Variants in FTO observed in about 807,000 individuals in gnomAD.
FTO encodes the protein FTO alpha-ketoglutarate dependent dioxygenase, also known as alpha-ketoglutarate-dependent dioxygenase FTO.
In FTO, 47 loss-of-function variants were observed where a neutral mutation model predicts 63.9. The observed-to-expected ratio is 0.74, with a 90% CI of 0.58 to 0.94. FTO has a LOEUF of 0.94. Ranked by LOEUF, FTO falls within the 40% of genes least tolerant of loss-of-function variation. The pLI, the probability that FTO is intolerant of heterozygous loss-of-function variation, is 0.00. For missense variants in FTO, 562 were observed against 618.1 expected (o/e 0.91, Z 0.96); for synonymous variants, 207 against 224.4 (o/e 0.92, Z 0.69).
At chr16:53,972,076 T>A (rs933569773) in intron 8 of FTO, among the ~76,000 whole-genome samples, 1 of 152,170 alleles carries the variant, frequency 6.6e-6, no homozygotes, top group Non-Finnish European at 1.5e-5. Flanking sequence ...GCCAGTCATA[T>A]GGAGACAGGG....
chr16:54,121,252 G>A lies in FTO; in HGVS notation c.*9337G>A, dbSNP rs1202078642. ...AAGGATTGTTGTATCACCTGTGATC[G>A]TGCCTATTAAGCAATTAACGTCATG... On this transcript the variant is annotated 3_prime_UTR_variant, in exon 9 of 9. Coordinates refer to ENST00000471389, the MANE Select transcript of FTO (RefSeq NM_001080432.3). 6.6e-6 allele frequency: 1 copy of A among 152,138 alleles called. No homozygotes were observed. Among genetic ancestry groups the A allele is most frequent in the Admixed American group, 6.5e-5 (1 of 15,278 alleles). 9.4% of individuals were successfully genotyped at this position (152,138 alleles called of 1,614,324 possible).
At chr16:54,015,053 G>T (rs1233285958) in intron 8 of FTO, among the ~76,000 whole-genome samples, 1 of 151,338 alleles carries the variant, frequency 6.6e-6, no homozygotes, top group African/African-American at 2.4e-5. Context: ...TAGAGACATG[G>T]TCTCACTCTA....
chr16:53,786,473 T>C (rs918043212), intron 1 of FTO, among the ~76,000 whole-genome samples: 5 of 152,236 alleles, frequency 3.3e-5, no homozygotes, highest in Non-Finnish European at 7.3e-5. Context: ...AAACTGGCTC[T>C]TGAATGAAAT....
intron 7 of FTO, among the ~76,000 whole-genome samples, chr16:53,890,189 C>T (rs1416548093): frequency 6.6e-6 from 1 of 152,180 alleles, no homozygotes; most frequent in Non-Finnish European, 1.5e-5. Flanking sequence ...TTGAAATGTA[C>T]TGGAAACAAT....
intron 1 of FTO, among the ~76,000 whole-genome samples, chr16:53,714,458 G>A (rs2075847007): frequency 6.6e-6 from 1 of 151,968 alleles, no homozygotes; most frequent in South Asian, 2.1e-4. Context: ...TTTCCAGTTT[G>A]CCATTTTTTG....
intron 8 of FTO, among the ~76,000 whole-genome samples, chr16:53,988,975 G>A (rs145069732): frequency 6.6e-6 from 1 of 152,144 alleles, no homozygotes; most frequent in East Asian, 1.9e-4. Flanking sequence ...GGAGACCTAG[G>A]TGCCATAAAA....
intron 1 of FTO, among the ~76,000 whole-genome samples, chr16:53,804,452 T>C (rs937263829): frequency 6.6e-6 from 1 of 152,210 alleles, no homozygotes; most frequent in Non-Finnish European, 1.5e-5. Context: ...AATTCTACTT[T>C]CGCCTCCAAA....
intron 8 of FTO, among the ~76,000 whole-genome samples, chr16:53,947,207 G>A (rs2082670189): frequency 6.6e-6 from 1 of 152,184 alleles, no homozygotes; most frequent in Non-Finnish European, 1.5e-5. Flanking sequence ...TGAGGAGAAA[G>A]GCTGTCCTGG....
intron 8 of FTO, among the ~76,000 whole-genome samples, chr16:53,975,010 TA>T (rs2143765404): frequency 6.6e-6 from 1 of 152,298 alleles, no homozygotes; most frequent in South Asian, 2.1e-4. Flanking sequence ...TTTGTGTATT[TA>T]ATACTAGAGA....
At chr16:53,994,690 A>G (rs1186371698) in intron 8 of FTO, among the ~76,000 whole-genome samples, 2 of 151,356 alleles carry the variant, frequency 1.3e-5, no homozygotes, top group African/African-American at 4.9e-5. Context: ...ACCATGTCAT[A>G]GTCTCCAAAA....
chr16:53,818,605 A>G (rs2078764838), intron 2 of FTO, among the ~76,000 whole-genome samples: 1 of 151,976 alleles, frequency 6.6e-6, no homozygotes, highest in African/African-American at 2.4e-5. Flanking sequence ...GCTCAAGTAC[A>G]TTACTCAGGG....
chr16:53,727,248 C>T (rs769717496), intron 1 of FTO, among the ~76,000 whole-genome samples: 1 of 152,210 alleles, frequency 6.6e-6, no homozygotes. Flanking sequence ...TCTGACTTGT[C>T]TGGCATATTC....
intron 2 of FTO, among the ~76,000 whole-genome samples, chr16:53,821,515 C>G (rs1348392329): frequency 1.3e-5 from 2 of 152,162 alleles, no homozygotes; most frequent in Non-Finnish European, 2.9e-5. Flanking sequence ...TTTCTGTTTT[C>G]CAATGGGGAT....
intron 1 of FTO, among the ~76,000 whole-genome samples, chr16:53,752,750 G>T (rs1245381822): frequency 2.6e-5 from 4 of 152,178 alleles, no homozygotes; most frequent in Non-Finnish European, 4.4e-5. Context: ...TGTGGCAGCA[G>T]TGTATCTGCA....
intron 8 of FTO, among the ~76,000 whole-genome samples, chr16:54,017,788 C>T (rs1316567878): frequency 2.0e-5 from 3 of 152,176 alleles, no homozygotes; most frequent in Non-Finnish European, 4.4e-5. Flanking sequence ...CTTTCTGCAT[C>T]TGCCTCAAGT....
chr16:54,083,058 C>A (rs1390239277), intron 8 of FTO, among the ~76,000 whole-genome samples: 1 of 152,166 alleles, frequency 6.6e-6, no homozygotes, highest in Non-Finnish European at 1.5e-5. Flanking sequence ...TATTAAATAA[C>A]TGGTGTTTCA....
Position 53,761,052 on chromosome 16 carries a change from C to T in FTO, c.46-49088C>T, listed in dbSNP as rs553258670. ...CCCTTTCCTTCTCCCTTCCTCCCTC[C>T]CTCCCTTCCTTTCTTCCTTCCTCGG... On this transcript the variant is annotated intron_variant, in intron 1 of 8. Transcript: ENST00000471389. 1.6e-4 allele frequency among the ~76,000 whole-genome samples: 24 copies of T among 150,416 alleles called. No homozygotes were observed. The South Asian group carries it at 5.1e-3, about 32-fold the overall frequency.
chr16:53,861,204 G>T (rs1416679192), intron 4 of FTO, among the ~76,000 whole-genome samples: 2 of 152,070 alleles, frequency 1.3e-5, no homozygotes, highest in Admixed American at 1.3e-4. Context: ...AGGTATTATG[G>T]TGTGGACATT....
intron 1 of FTO, among the ~76,000 whole-genome samples, chr16:53,706,267 T>G (rs1385481835): frequency 2.0e-5 from 3 of 152,244 alleles, no homozygotes; most frequent in Admixed American, 6.5e-5. Flanking sequence ...ATCTTCTCTT[T>G]TTCTAATCAA....
Sources: allele counts gnomAD v4.1 joint callset (sites outside exome capture counted in the v4.1 genomes callset), GRCh38; gene constraint gnomAD v4.1.1; transcripts MANE v1.5; gene names NCBI Gene and HGNC (gene_info 2026-07-23, HGNC 2026-07-21).